ASPH: variants seen among roughly 807,000 people sequenced by gnomAD.
ASPH encodes aspartyl/asparaginyl beta-hydroxylase.
Under a neutral mutation model 118.4 loss-of-function variants are expected in ASPH, and 100 were observed. The observed-to-expected ratio is 0.84, with a 90% confidence interval of 0.72 to 1.00. The LOEUF is 1.00. Ranked by LOEUF, ASPH falls within the 50% of genes least tolerant of loss-of-function variation. ASPH has a pLI of 0.00. For missense variants in ASPH, 920 were observed against 919.5 expected (o/e 1.00, Z -0.01); for synonymous variants, 315 against 325.6 (o/e 0.97, Z 0.35).
chr8:61,630,356 C>A (rs975795386), intron 13 of ASPH, among the ~76,000 whole-genome samples: 1 of 152,062 alleles, frequency 6.6e-6, no homozygotes, highest in Admixed American at 6.6e-5. Context: ...AGTGTTCCTA[C>A]AATCAGATGC....
chr8:61,708,796 G>A (rs545056506), intron 1 of ASPH, among the ~76,000 whole-genome samples: 1 of 152,300 alleles, frequency 6.6e-6, no homozygotes, highest in Admixed American at 6.5e-5. Context: ...GGAGAGAAGT[G>A]CTGGCATTTC....
intron 1 of ASPH, chr8:61,689,961 T>TA (rs1278404904): frequency 4.9e-6 from 4 of 817,678 alleles, no homozygotes; most frequent in Non-Finnish European, 1.6e-6. Flanking sequence ...TTCTCCCACT[T>TA]ACGGGATTCT....
At chr8:61,546,903 C>T (rs1221241788) in intron 21 of ASPH, among the ~76,000 whole-genome samples, 1 of 152,188 alleles carries the variant, frequency 6.6e-6, no homozygotes, top group Non-Finnish European at 1.5e-5. Flanking sequence ...CAGATTCTAA[C>T]ATTATCAATA....
At chr8:61,690,551 G>A (rs1044874380) in intron 1 of ASPH, among the ~76,000 whole-genome samples, 3 of 151,772 alleles carry the variant, frequency 2.0e-5, no homozygotes, top group African/African-American at 7.3e-5. Flanking sequence ...ATTCTCTTCT[G>A]GGAAATAAAA....
intron 12 of ASPH, 125 bp downstream of exon 12, chr8:61,637,822 C>A: frequency 1.2e-6 from 1 of 844,820 alleles, no homozygotes; most frequent in Non-Finnish European, 1.8e-6. Context: ...GTGTTTTCTT[C>A]CCTCTTGTAC....
intron 15 of ASPH, chr8:61,578,205 A>G: frequency 6.4e-7 from 1 of 1,563,822 alleles, no homozygotes; most frequent in Non-Finnish European, 8.6e-7. Context: ...GCCTGCCTCC[A>G]CTCCTGCCTC....
intron 16 of ASPH, among the ~76,000 whole-genome samples, chr8:61,574,698 G>T (rs11985769): frequency 0.094 from 14,340 of 152,070 alleles, 943 homozygotes; most frequent in East Asian, 0.27. Context: ...CGGCCTGTCG[G>T]GTGGGGGGCT....
At chr8:61,670,837 A>T (rs1247040225) in intron 3 of ASPH, among the ~76,000 whole-genome samples, 1 of 151,962 alleles carries the variant, frequency 6.6e-6, no homozygotes, top group Non-Finnish European at 1.5e-5. Flanking sequence ...TAAAGGGAAG[A>T]GAGAAGAAAA....
At chr8:61,663,196 A>G (rs975742458) in intron 3 of ASPH, 4 of 985,256 alleles carry the variant, frequency 4.1e-6, no homozygotes, top group Non-Finnish European at 4.8e-6. Context: ...TCCAGTTTTC[A>G]AAGCCTCACT....
At chr8:61,539,330 G>A (rs985468577) in intron 21 of ASPH, among the ~76,000 whole-genome samples, 5 of 152,132 alleles carry the variant, frequency 3.3e-5, no homozygotes, top group South Asian at 2.1e-4. Flanking sequence ...TTCCTCCTCA[G>A]AAGGATGAAT....
chr8:61,547,879 C>T (rs977430348), intron 21 of ASPH, among the ~76,000 whole-genome samples, 192 bp downstream of exon 21: 13 of 152,152 alleles, frequency 8.5e-5, no homozygotes, highest in African/African-American at 2.7e-4. Context: ...AAGTTCCGCA[C>T]AAATTCCCTT....
chr8:61,512,527 C>T (rs1050294016), intron 24 of ASPH, among the ~76,000 whole-genome samples: 28 of 152,168 alleles, frequency 1.8e-4, no homozygotes, highest in Non-Finnish European at 3.2e-4. Flanking sequence ...CCTGCCAACA[C>T]CCTAATTTTA....
Position 61,532,343 on chromosome 8 carries a change from C to T in ASPH, c.1765-6231G>A, listed in dbSNP as rs371329361. Among the ~76,000 whole-genome samples the T allele has an allele frequency of 2.9e-3, 444 of 152,214 alleles. 3 individuals are homozygous for T. Among genetic ancestry groups the T allele is most frequent in the Middle Eastern group, 0.027 (8 of 292 alleles). ...CATTTGCAGGTCTTTGAAAAAATGT[C>T]TACTTAGGCCCTTTGCCAATTTTTA... On this transcript the variant is annotated intron_variant, in intron 21 of 24. Transcript: ENST00000379454.
rs533602127 is a variant in ASPH, at chr8:61,673,732, AG to A, written c.322+7235del. On this transcript the variant is annotated intron_variant, in intron 3 of 24. Coordinates refer to ENST00000379454, the MANE Select transcript of ASPH (RefSeq NM_004318.4). ...TAGCAATACATAATAAATCAAACTA[AG>A]GTGAAGTAATTTTGATCAGCTTTGA... Among the ~76,000 whole-genome samples the A allele has an allele frequency of 1.9e-4, 29 of 152,326 alleles. No individual in the cohort carries two copies. In the East Asian group the frequency reaches 5.4e-3, roughly 28 times the overall value.
intron 3 of ASPH, among the ~76,000 whole-genome samples, chr8:61,678,968 T>C (rs1453971552): frequency 6.6e-6 from 1 of 152,088 alleles, no homozygotes; most frequent in African/African-American, 2.4e-5. Context: ...CAGGCTGTCT[T>C]TGCAGTAACC....
intron 15 of ASPH, chr8:61,578,310 G>A: frequency 3.7e-6 from 6 of 1,600,734 alleles, no homozygotes; most frequent in Non-Finnish European, 5.1e-6. Flanking sequence ...TGGGCCCGGT[G>A]CCCACATCAG....
chr8:61,612,683 A>G (rs770624707), intron 14 of ASPH, among the ~76,000 whole-genome samples: 4 of 152,162 alleles, frequency 2.6e-5, no homozygotes, highest in Non-Finnish European at 5.9e-5. Flanking sequence ...AAAAATAAAC[A>G]AAGTTTCATA....
rs560296931 is a variant in ASPH, at chr8:61,714,512, A to G, written c.-141T>C. On this transcript the variant is annotated 5_prime_UTR_variant, in exon 1 of 25. Coordinates refer to ENST00000379454, the MANE Select transcript of ASPH (RefSeq NM_004318.4). The stretch of plus-strand genomic sequence containing the variant: ...GCTCCTGCAGCAGACCCTGTGCCTC[A>G]GCACCGCCTGCAGCACCTGGGAAGA... 2.4e-6 allele frequency: 3 copies of G among 1,227,230 alleles called. No homozygotes were observed. Among genetic ancestry groups the G allele is most frequent in the South Asian group, 2.1e-5 (1 of 47,674 alleles). The allele number at this position is 1,227,230 out of a possible 1,614,324, so 76.0% of individuals were successfully genotyped here. A position where few individuals can be genotyped will look rare whatever the true frequency, so the allele number is the denominator to read the frequency against.
At chr8:61,677,733 T>C (rs1040951958) in intron 3 of ASPH, among the ~76,000 whole-genome samples, 3 of 152,154 alleles carry the variant, frequency 2.0e-5, no homozygotes, top group African/African-American at 4.8e-5. Flanking sequence ...TAAGTCCCTA[T>C]GGGAATAACA....
Sources: gnomAD v4.1 joint callset for allele counts (sites outside exome capture counted in the v4.1 genomes callset) on GRCh38, gnomAD v4.1.1 for gene constraint, MANE v1.5 for transcripts, NCBI Gene and HGNC (gene_info 2026-07-23, HGNC 2026-07-21) for gene names.